The following ITPR2 variants were observed in gnomAD, a reference collection of about 807,000 sequenced individuals.
ITPR2 encodes the protein inositol 1,4,5-trisphosphate-gated calcium channel ITPR2.
In ITPR2, 207 loss-of-function variants were observed where a neutral mutation model predicts 317.1. That is an observed-to-expected ratio of 0.65 (90% CI 0.58 to 0.73). ITPR2 has a LOEUF of 0.73. ITPR2 is among the 30% of genes least tolerant of loss of function. The pLI is 0.00. For synonymous variants in ITPR2, 1,156 were observed against 1,149.1 expected (o/e 1.01, Z -0.12); for missense variants, 2,613 against 3,284.0 (o/e 0.80, Z 4.99).
At chr12:26,619,423 G>A (rs1297811830) in intron 26 of ITPR2, among the ~76,000 whole-genome samples, 1 of 152,170 alleles carries the variant, frequency 6.6e-6, no homozygotes, top group East Asian at 1.9e-4. Flanking sequence ...TCAGGGTGGT[G>A]TATCCTAGCT....
chr12:26,470,411 T>G (rs1017315274), intron 45 of ITPR2, among the ~76,000 whole-genome samples: 2 of 152,166 alleles, frequency 1.3e-5, no homozygotes, highest in African/African-American at 4.8e-5. Context: ...AGTAAATCAG[T>G]AAGAAATAAA....
chr12:26,617,871 A>G (rs1946407356), intron 26 of ITPR2, among the ~76,000 whole-genome samples: 1 of 152,216 alleles, frequency 6.6e-6, no homozygotes, highest in Non-Finnish European at 1.5e-5. Flanking sequence ...ATTCTACAGA[A>G]AGTATTAGTA....
At chr12:26,538,855 G>A (rs545704174) in intron 37 of ITPR2, among the ~76,000 whole-genome samples, 35 of 152,266 alleles carry the variant, frequency 2.3e-4, no homozygotes, top group African/African-American at 4.8e-4. Context: ...GATTACAGGC[G>A]TGAGCCACTG....
At chr12:26,422,435 C>G (rs1940930773) in intron 49 of ITPR2, among the ~76,000 whole-genome samples, 1 of 151,998 alleles carries the variant, frequency 6.6e-6, no homozygotes, top group Non-Finnish European at 1.5e-5. Context: ...TTTAACAGTA[C>G]AGTGTAGCAG....
At chr12:26,808,856 ACT>A (rs1217744294) in intron 1 of ITPR2, among the ~76,000 whole-genome samples, 1 of 152,170 alleles carries the variant, frequency 6.6e-6, no homozygotes, top group Non-Finnish European at 1.5e-5. Flanking sequence ...AAGAGAACAC[ACT>A]CTATTCAACA....
At chr12:26,752,150 G>A (rs192826177) in intron 2 of ITPR2, among the ~76,000 whole-genome samples, 9 of 152,228 alleles carry the variant, frequency 5.9e-5, no homozygotes, top group Admixed American at 3.3e-4. Context: ...TCTATGCTAA[G>A]TTCCTCAGAA....
At chr12:26,756,592 G>T (rs928801794) in intron 2 of ITPR2, among the ~76,000 whole-genome samples, 1 of 152,152 alleles carries the variant, frequency 6.6e-6, no homozygotes, top group African/African-American at 2.4e-5. Context: ...ATTGCCTCTT[G>T]TCGGAACTCA....
chr12:26,506,123 C>T (rs766661193), intron 37 of ITPR2, among the ~76,000 whole-genome samples: 1 of 151,540 alleles, frequency 6.6e-6, no homozygotes, highest in Non-Finnish European at 1.5e-5. Flanking sequence ...AATCCCAGCA[C>T]TTTAGGAGGC....
chr12:26,621,231 C>T lies in ITPR2; in HGVS notation c.3354G>A (p.Gln1118=), dbSNP rs1181212031. ...CAGACTTTTCTACTGTCAGTCGAAGCTGGTCTAGATCTGCCTTGATTTGCT... is the reference window on the plus strand; with the variant it reads ...CAGACTTTTCTACTGTCAGTCGAAGTTGGTCTAGATCTGCCTTGATTTGCT... ...NYKQIKADLD[Q]LRLTVEKSEL... Residue 1118 remains glutamine (Q), a synonymous_variant, in exon 26 of 57, where the codon CAG becomes CAA. Coordinates refer to ENST00000381340, the MANE Select transcript of ITPR2 (RefSeq NM_002223.4). 4 of 1,613,692 alleles carry T rather than the reference C, an allele frequency of 2.5e-6. No homozygotes were observed. In the African/African-American group the frequency reaches 4.0e-5, roughly 16 times the overall value.
intron 37 of ITPR2, among the ~76,000 whole-genome samples, chr12:26,523,881 G>A (rs992674920): frequency 6.6e-6 from 1 of 152,238 alleles, no homozygotes; most frequent in Non-Finnish European, 1.5e-5. Context: ...AGACACTGCA[G>A]GCGTTACATA....
chr12:26,598,367 T>C (rs1945902988), intron 30 of ITPR2, among the ~76,000 whole-genome samples: 1 of 152,208 alleles, frequency 6.6e-6, no homozygotes, highest in Admixed American at 6.5e-5. Flanking sequence ...TATGTCATAA[T>C]GAAAATGCCC....
intron 51 of ITPR2, among the ~76,000 whole-genome samples, chr12:26,414,411 C>T (rs1940656172): frequency 6.6e-6 from 1 of 151,420 alleles, no homozygotes; most frequent in Non-Finnish European, 1.5e-5. Flanking sequence ...CTAATTAAAT[C>T]CTAGTTTTAC....
chr12:26,739,742 A>G (rs1949199125), intron 2 of ITPR2, among the ~76,000 whole-genome samples: 1 of 152,250 alleles, frequency 6.6e-6, no homozygotes, highest in Non-Finnish European at 1.5e-5. Context: ...ATATTTAACA[A>G]AACTCATTAA....
intron 15 of ITPR2, among the ~76,000 whole-genome samples, chr12:26,661,273 T>G (rs1304597561): frequency 0.021 from 302 of 14,206 alleles, 3 homozygotes; most frequent in East Asian, 0.11. Flanking sequence ...GGGGTGTGTG[T>G]GTGGGGGGGG....
intron 26 of ITPR2, among the ~76,000 whole-genome samples, chr12:26,609,102 T>C (rs1946204396): frequency 1.3e-5 from 2 of 152,160 alleles, no homozygotes; most frequent in Non-Finnish European, 2.9e-5. Context: ...GGGGTGTATG[T>C]ATAAAATGTG....
chr12:26,563,312 C>T (rs908970781), intron 34 of ITPR2, among the ~76,000 whole-genome samples: 1 of 152,248 alleles, frequency 6.6e-6, no homozygotes, highest in East Asian at 1.9e-4. Context: ...TGGCTCACGC[C>T]TGTAATCCCA....
At chr12:26,427,846 ATATT>A (rs1419310131) in intron 49 of ITPR2, 63 bp downstream of exon 49, 66 of 1,043,846 alleles carry the variant, frequency 6.3e-5, no homozygotes, top group Admixed American at 1.4e-4. Context: ...GCTTATAGTT[ATATT>A]TTTATATTTC....
chr12:26,626,384 G>A (rs1271149491), intron 23 of ITPR2, among the ~76,000 whole-genome samples: 1 of 152,136 alleles, frequency 6.6e-6, no homozygotes, highest in Non-Finnish European at 1.5e-5. Flanking sequence ...ATCCCTTACT[G>A]GTACAAAAAA....
At chr12:26,772,537 T>C (rs147809887) in intron 2 of ITPR2, among the ~76,000 whole-genome samples, 5,468 of 136,648 alleles carry the variant, frequency 0.04, 383 homozygotes, top group African/African-American at 0.14. Context: ...ATATAATACA[T>C]GTATTATATA....
Sources: allele counts gnomAD v4.1 joint callset (sites outside exome capture counted in the v4.1 genomes callset), GRCh38; gene constraint gnomAD v4.1.1; transcripts MANE v1.5; gene names NCBI Gene and HGNC (gene_info 2026-07-23, HGNC 2026-07-21).